The following RNASEH2C variants were observed in gnomAD, a reference collection of about 807,000 sequenced individuals.
The protein encoded by RNASEH2C is RNase H1 small subunit.
RNASEH2C carries 20 observed loss-of-function variants against 16.3 expected under a neutral mutation model. The ratio of observed to expected loss-of-function variants is 1.23; its 90% CI spans 0.86 to 1.79. The LOEUF (loss-of-function observed/expected upper bound fraction) is 1.79, where lower values mean the gene tolerates loss of function less well. RNASEH2C is among the 40% of genes most tolerant of loss of function. RNASEH2C has a pLI of 0.00. For synonymous variants in RNASEH2C, 106 were observed against 98.9 expected (o/e 1.07, Z -0.43); for missense variants, 296 against 235.9 (o/e 1.25, Z -1.67).
rs1477798565 is a variant in RNASEH2C, at chr11:65,718,399, A to G, written c.*1384T>C. ...TGCCCTCATGCCCTCCACTGTGCTC[A>G]GCGCACGGAAAGAGTGAATACTCAG... On this transcript the variant is annotated 3_prime_UTR_variant, in exon 4 of 4. Coordinates refer to ENST00000308418, the MANE Select transcript of RNASEH2C (RefSeq NM_032193.4). 1.8e-5 allele frequency: 11 copies of G among 619,434 alleles called. No individual in the cohort carries two copies. In the Admixed American group the frequency reaches 3.0e-4, roughly 17 times the overall value. The allele number at this position is 619,434 out of a possible 1,614,324, so 38.4% of individuals were successfully genotyped here. A position where few individuals can be genotyped will look rare whatever the true frequency, so the allele number is the denominator to read the frequency against.
rs886048489 is a variant in RNASEH2C, at chr11:65,718,279, C to T, written c.*1504G>A. ...GATGGCAAAGGAAAATTGGAGGCCC[C>T]TTCTTCCCATGAGCCATTTTCTCTG... On this transcript the variant is annotated 3_prime_UTR_variant, in exon 4 of 4. Transcript: ENST00000308418. 7 of 272,496 alleles carry T rather than the reference C, an allele frequency of 2.6e-5. No individual in the cohort carries two copies. The highest frequency in any genetic ancestry group is 2.8e-5 in the Non-Finnish European group (4 of 142,898). 16.9% of individuals were successfully genotyped at this position (272,496 alleles called of 1,614,324 possible). A position where few individuals can be genotyped will look rare whatever the true frequency, so the allele number is the denominator to read the frequency against.
In RNASEH2C at chr11:65,719,586, A is replaced by G; in HGVS notation, c.*197T>C. ...TCTTACCCCTATTGCCCCCGGCAAT[A>G]AATTGTTTCTATATGCCAGAGCCAT... is the stretch of plus-strand genomic sequence containing the variant. On this transcript the variant is annotated 3_prime_UTR_variant, in exon 4 of 4. Transcript: ENST00000308418. 1 of 672,542 alleles carries G rather than the reference A, an allele frequency of 1.5e-6. No individual in the cohort carries two copies. Among genetic ancestry groups the G allele is most frequent in the Non-Finnish European group, 2.6e-6 (1 of 379,966 alleles). 41.7% of individuals were successfully genotyped at this position (672,542 alleles called of 1,614,324 possible). A position where few individuals can be genotyped will look rare whatever the true frequency, so the allele number is the denominator to read the frequency against.
At position 65,719,759 on chromosome 11, in the gene RNASEH2C, G is replaced by A. The variant is rs750525397; in HGVS notation, c.*24C>T. On this transcript the variant is annotated 3_prime_UTR_variant, in exon 4 of 4. Transcript: ENST00000308418. ...GGTTTACTGCTGTGAAGGGATCGCA[G>A]CTTTGAATTTCAAGCTCTGGTTCTC... The A allele has an allele frequency of 1.2e-6, 2 of 1,613,670 alleles. No homozygotes were observed. The highest frequency in any genetic ancestry group is 2.2e-5 in the East Asian group (1 of 44,878).
In RNASEH2C at chr11:65,718,819, G is replaced by T. The variant is rs1467160903; in HGVS notation, c.*964C>A. ...CTGTTCCTGGGCTTTCTCTCTCAGG[G>T]CTCCTGGGGACAGATAAAGGTCCTC... is the stretch of plus-strand genomic sequence containing the variant. On this transcript the variant is annotated 3_prime_UTR_variant, in exon 4 of 4. Coordinates refer to ENST00000308418, the MANE Select transcript of RNASEH2C (RefSeq NM_032193.4). 6.2e-7 allele frequency: 1 copy of T among 1,613,074 alleles called. No individual in the cohort carries two copies. Among genetic ancestry groups the T allele is most frequent in the Non-Finnish European group, 8.5e-7 (1 of 1,179,248 alleles).
chr11:65,719,452 G>A lies in RNASEH2C; in HGVS notation c.*331C>T, dbSNP rs1857323262. The A allele has an allele frequency of 1.7e-6, 1 of 603,810 alleles. No individual in the cohort carries two copies. The highest frequency in any genetic ancestry group is 2.9e-6 in the Non-Finnish European group (1 of 341,418). 37.4% of individuals were successfully genotyped at this position (603,810 alleles called of 1,614,324 possible). On this transcript the variant is annotated 3_prime_UTR_variant, in exon 4 of 4. Coordinates refer to ENST00000308418, the MANE Select transcript of RNASEH2C (RefSeq NM_032193.4). Reference sequence around the variant, plus strand: ...CCAGGCAGCTGTGTACAGTGAGAAGGGATCCGGATGGGGGAGCTCTGTACA... The same window carrying A: ...CCAGGCAGCTGTGTACAGTGAGAAGAGATCCGGATGGGGGAGCTCTGTACA...
chr11:65,719,401 T>A lies in RNASEH2C; in HGVS notation c.*382A>T. 1.6e-6 allele frequency: 1 copy of A among 624,416 alleles called. No individual in the cohort carries two copies. Among genetic ancestry groups the A allele is most frequent in the Non-Finnish European group, 2.8e-6 (1 of 359,516 alleles). The allele number at this position is 624,416 out of a possible 1,614,324, so 38.7% of individuals were successfully genotyped here. A position where few individuals can be genotyped will look rare whatever the true frequency, so the allele number is the denominator to read the frequency against. On this transcript the variant is annotated 3_prime_UTR_variant, in exon 4 of 4. Transcript: ENST00000308418. Reference sequence around the variant, plus strand: ...GGTCAGCTGGCCACAGGCCCAGGCCTCCTCTGAAGCAGGGACCAGAGGGAG... The same window carrying A: ...GGTCAGCTGGCCACAGGCCCAGGCCACCTCTGAAGCAGGGACCAGAGGGAG...
Position 65,719,760 on chromosome 11 carries a change from C to T in RNASEH2C, c.*23G>A. 3 of 1,613,876 alleles carry T rather than the reference C, an allele frequency of 1.9e-6. No individual in the cohort carries two copies. Among genetic ancestry groups the T allele is most frequent in the Non-Finnish European group, 2.5e-6 (3 of 1,179,832 alleles). ...GTTTACTGCTGTGAAGGGATCGCAG[C>T]TTTGAATTTCAAGCTCTGGTTCTCA... On this transcript the variant is annotated 3_prime_UTR_variant, in exon 4 of 4. Coordinates refer to ENST00000308418, the MANE Select transcript of RNASEH2C (RefSeq NM_032193.4).
Position 65,719,374 on chromosome 11 carries a change from AAGGTCAGCTGGCCAC to A in RNASEH2C, c.*394_*408del. The A allele has an allele frequency of 1.5e-6, 1 of 687,984 alleles. No individual in the cohort carries two copies. Among genetic ancestry groups the A allele is most frequent in the Non-Finnish European group, 2.4e-6 (1 of 417,264 alleles). 42.6% of individuals were successfully genotyped at this position (687,984 alleles called of 1,614,324 possible). Reference sequence around the variant, plus strand: ...CGAGCTCCGGGCTCAGACCAACTCCAAGGTCAGCTGGCCACAGGCCCAGGCCTCCTCTGAAGCAGG... The same window carrying A: ...CGAGCTCCGGGCTCAGACCAACTCCAAGGCCCAGGCCTCCTCTGAAGCAGG... On this transcript the variant is annotated 3_prime_UTR_variant, in exon 4 of 4. Coordinates refer to ENST00000308418, the MANE Select transcript of RNASEH2C (RefSeq NM_032193.4).
At position 65,719,648 on chromosome 11, in the gene RNASEH2C, C is replaced by T; in HGVS notation, c.*135G>A. On this transcript the variant is annotated 3_prime_UTR_variant, in exon 4 of 4. Coordinates refer to ENST00000308418, the MANE Select transcript of RNASEH2C (RefSeq NM_032193.4). ...GGTGGGGAGGGGGAAAGGGCCCATG[C>T]TGGCTTAGGGGCTCTAAGGCGCCCA... 3 of 904,564 alleles carry T rather than the reference C, an allele frequency of 3.3e-6. No individual in the cohort carries two copies. Among genetic ancestry groups the T allele is most frequent in the Non-Finnish European group, 3.7e-6 (2 of 544,868 alleles). The allele number at this position is 904,564 out of a possible 1,614,324, so 56.0% of individuals were successfully genotyped here. A position where few individuals can be genotyped will look rare whatever the true frequency, so the allele number is the denominator to read the frequency against.
Position 65,718,537 on chromosome 11 carries a change from G to C in RNASEH2C, c.*1246C>G. 1 of 1,573,118 alleles carries C rather than the reference G, an allele frequency of 6.4e-7. No individual in the cohort carries two copies. The highest frequency in any genetic ancestry group is 8.7e-7 in the Non-Finnish European group (1 of 1,154,154). On this transcript the variant is annotated 3_prime_UTR_variant, in exon 4 of 4. Transcript: ENST00000308418. ...TTGGCAACCTGTGTTTTTAAATGTTGCTTATGTTCATCTGTGACCTCTTAC... is the reference window on the plus strand; with the variant it reads ...TTGGCAACCTGTGTTTTTAAATGTTCCTTATGTTCATCTGTGACCTCTTAC...
At chr11:65,719,833 G>A (rs768044804) in intron 3 of RNASEH2C, 24 bp from the exon 4 acceptor site, 2 of 1,614,038 alleles carry the variant, frequency 1.2e-6, no homozygotes, top group Admixed American at 3.3e-5. Context: ...CGCCTCTACT[G>A]TTGGACTTGT....
intron 3 of RNASEH2C, 57 bp from the exon 4 acceptor site, chr11:65,719,866 C>T: frequency 6.2e-7 from 1 of 1,610,848 alleles, no homozygotes; most frequent in Non-Finnish European, 8.5e-7. Context: ...CAAGCTGGCC[C>T]CCATACCCGA....
chr11:65,720,778 C>T lies in RNASEH2C; in HGVS notation c.-20G>A. 1 of 1,571,812 alleles carries T rather than the reference C, an allele frequency of 6.4e-7. No homozygotes were observed. The highest frequency in any genetic ancestry group is 1.2e-5 in the South Asian group (1 of 86,846). ...CTCCATCCTCCCTCCTACGCGACGC[C>T]AGGGCTCGCGAGCTGACACTGAAGC... On this transcript the variant is annotated 5_prime_UTR_variant, in exon 1 of 4. Coordinates refer to ENST00000308418, the MANE Select transcript of RNASEH2C (RefSeq NM_032193.4).
rs1445017073 is a variant in RNASEH2C at position 65,719,682 on chromosome 11, G to T, written c.*101C>A. 7.7e-6 allele frequency: 10 copies of T among 1,296,674 alleles called. No individual in the cohort carries two copies. Among genetic ancestry groups the T allele is most frequent in the Non-Finnish European group, 1.1e-5 (10 of 893,184 alleles). The allele number at this position is 1,296,674 out of a possible 1,614,324, so 80.3% of individuals were successfully genotyped here. A position where few individuals can be genotyped will look rare whatever the true frequency, so the allele number is the denominator to read the frequency against. ...GGGCTCTAAGGCGCCCAGACTCACA[G>T]GTGCTGTGAAGAGCTCCTTTATTGG... On this transcript the variant is annotated 3_prime_UTR_variant, in exon 4 of 4. Transcript: ENST00000308418.
Position 65,720,139 on chromosome 11 carries a change from T to G in RNASEH2C, c.374A>C (p.Asn125Thr). 1.2e-6 allele frequency: 2 copies of G among 1,614,176 alleles called. No homozygotes were observed. The highest frequency in any genetic ancestry group is 2.2e-5 in the East Asian group (1 of 44,874). ...ACCCCACAGGGTGAAGCGGCTGAAG[T>G]TGGCAGTGGCTCCAATGAAGCGGTC... The part of the protein sequence containing the change: ...DFDRFIGATA[N>T]FSRFTLWGLE... Residue 125 changes from asparagine to threonine, a missense_variant, in exon 3 of 4, where the codon AAC becomes ACC. Coordinates refer to ENST00000308418, the MANE Select transcript of RNASEH2C (RefSeq NM_032193.4).
rs750571826 is a variant in RNASEH2C at position 65,718,552 on chromosome 11, T to C, written c.*1231A>G. 6.3e-7 allele frequency: 1 copy of C among 1,595,588 alleles called. No individual in the cohort carries two copies. The highest frequency in any genetic ancestry group is 8.6e-7 in the Non-Finnish European group (1 of 1,168,422). ...TTTAAATGTTGCTTATGTTCATCTG[T>C]GACCTCTTACTCACCCTCTCCTGCT... On this transcript the variant is annotated 3_prime_UTR_variant, in exon 4 of 4. Transcript: ENST00000308418.
intron 3 of RNASEH2C, 97 bp from the exon 4 acceptor site, chr11:65,719,906 T>C: frequency 3.1e-6 from 5 of 1,605,234 alleles, no homozygotes; most frequent in Non-Finnish European, 2.6e-6. Context: ...GAATAACCGC[T>C]TCTAGACATG....
In RNASEH2C at chr11:65,720,363, G is replaced by A. The variant is rs76091978; in HGVS notation, c.227C>T (p.Pro76Leu). The A allele has an allele frequency of 6.2e-7, 1 of 1,614,222 alleles. No homozygotes were observed. The highest frequency in any genetic ancestry group is 2.2e-5 in the East Asian group (1 of 44,874). The change falls in exon 2 of 4, where the codon CCG becomes CTG. Residue 76 changes from proline (P) to leucine (L), a missense_variant. Physicochemically the swap from Pro to Leu is moderately conservative, Grantham distance 98. Coordinates refer to ENST00000308418, the MANE Select transcript of RNASEH2C (RefSeq NM_032193.4). ...RCLRGEEVAV[P>L]PGLVGYVMVT... is the part of the protein sequence containing the mutation. ...CATCACGTATCCCACGAGGCCAGGC[G>A]GCACCGCCACCTCCTCTCCCCGTAG...
At chr11:65,720,214 C>T (rs1276680569) in intron 2 of RNASEH2C, 28 bp downstream of exon 2, 1 of 1,614,242 alleles carries the variant, frequency 6.2e-7, no homozygotes, top group Non-Finnish European at 8.5e-7. Context: ...CCGCCCGCAC[C>T]CCCTTTCAAC....
Sources: gnomAD v4.1 joint callset for allele counts on GRCh38, gnomAD v4.1.1 for gene constraint, MANE v1.5 for transcripts, NCBI Gene and HGNC (gene_info 2026-07-23, HGNC 2026-07-21) for gene names.